GRM1: variants seen among roughly 807,000 people sequenced by gnomAD.
GRM1 encodes the protein metabotropic glutamate receptor 1.
In GRM1, 33 loss-of-function variants were observed where a neutral mutation model predicts 90.9. That is an observed-to-expected ratio of 0.36 (90% CI 0.28 to 0.49). GRM1 has a LOEUF of 0.49. Ranked by LOEUF, GRM1 falls within the 20% of genes least tolerant of loss-of-function variation. GRM1 has a pLI of 0.99. For missense variants in GRM1, 1,190 were observed against 1,534.3 expected (o/e 0.78, Z 3.75); for synonymous variants, 700 against 613.2 (o/e 1.14, Z -2.09).
At chr6:146,201,627 A>ATTGG (rs1157928029) in intron 2 of GRM1, among the ~76,000 whole-genome samples, 1 of 152,194 alleles carries the variant, frequency 6.6e-6, no homozygotes, top group African/African-American at 2.4e-5. Context: ...CACACCTCCA[A>ATTGG]ATTCCATCAC....
chr6:146,151,109 A>C (rs1777318179), intron 1 of GRM1, among the ~76,000 whole-genome samples: 1 of 152,188 alleles, frequency 6.6e-6, no homozygotes, highest in Non-Finnish European at 1.5e-5. Context: ...GTTGGTTGAC[A>C]GGGAGTGATC....
intron 7 of GRM1, among the ~76,000 whole-genome samples, chr6:146,428,727 T>C (rs935485680): frequency 2.6e-5 from 4 of 152,198 alleles, no homozygotes; most frequent in African/African-American, 9.7e-5. Flanking sequence ...TACCAACATG[T>C]TGTCTTAAAT....
chr6:146,409,056 G>A (rs1777462646), intron 7 of GRM1, among the ~76,000 whole-genome samples: 1 of 152,134 alleles, frequency 6.6e-6, no homozygotes, highest in Admixed American at 6.5e-5. Context: ...ACTTAAGCTA[G>A]CCTAAGCAAA....
chr6:146,141,279 GTT>G (rs879736360), intron 1 of GRM1, among the ~76,000 whole-genome samples: 2 of 141,260 alleles, frequency 1.4e-5, no homozygotes, highest in Admixed American at 7.1e-5. Flanking sequence ...TCTGTTCTTA[GTT>G]TTTTTTTTTT....
chr6:146,033,205 G>A (rs547019963), intron 1 of GRM1, among the ~76,000 whole-genome samples: 1 of 152,210 alleles, frequency 6.6e-6, no homozygotes, highest in East Asian at 1.9e-4. Flanking sequence ...GAGTAATGGA[G>A]CCTTATCCAC....
intron 1 of GRM1, among the ~76,000 whole-genome samples, chr6:146,153,311 T>C (rs1777406367): frequency 6.6e-6 from 1 of 152,192 alleles, no homozygotes; most frequent in Admixed American, 6.5e-5. Context: ...TCCTTTTCAG[T>C]TTGTATGCTC....
chr6:146,391,195 T>C (rs1381919575), intron 6 of GRM1, among the ~76,000 whole-genome samples: 2 of 152,126 alleles, frequency 1.3e-5, no homozygotes, highest in Non-Finnish European at 2.9e-5. Context: ...CTGGATCATA[T>C]AAGATGTACT....
intron 2 of GRM1, among the ~76,000 whole-genome samples, chr6:146,208,562 C>T (rs768104047): frequency 6.6e-6 from 1 of 152,216 alleles, no homozygotes; most frequent in East Asian, 1.9e-4. Flanking sequence ...TTTCTGGACT[C>T]TGCCAATCTT....
At chr6:146,413,203 C>T (rs1429796637) in intron 7 of GRM1, among the ~76,000 whole-genome samples, 1 of 152,094 alleles carries the variant, frequency 6.6e-6, no homozygotes, top group African/African-American at 2.4e-5. Context: ...ATATGTTGTT[C>T]CAGTTACCTT....
chr6:146,054,676 C>A (rs1254577113), intron 1 of GRM1, among the ~76,000 whole-genome samples: 2 of 151,974 alleles, frequency 1.3e-5, no homozygotes, highest in East Asian at 3.9e-4. Flanking sequence ...TGTTAGACTC[C>A]AACAGCCATT....
Position 146,055,118 on chromosome 6 carries a change from A to AT in GRM1, c.700+24908dup, listed in dbSNP as rs573584660. 2.1e-4 allele frequency among the ~76,000 whole-genome samples: 32 copies of AT among 152,148 alleles called. No individual in the cohort carries two copies. In the South Asian group the frequency reaches 5.8e-3, roughly 28 times the overall value. On this transcript the variant is annotated intron_variant, in intron 1 of 7. Transcript: ENST00000282753. The stretch of plus-strand genomic sequence containing the variant: ...ATACAGCACCTGGCACATATGAGCT[A>AT]TTTTTTTAAAACATGTTGAATAAAT...
At chr6:146,169,747 A>G (rs1477225098) in intron 2 of GRM1, among the ~76,000 whole-genome samples, 2 of 152,206 alleles carry the variant, frequency 1.3e-5, no homozygotes, top group Non-Finnish European at 2.9e-5. Flanking sequence ...TTTCTGGAGA[A>G]TTATAGTCCT....
chr6:146,274,294 A>G (rs982451882), intron 2 of GRM1, among the ~76,000 whole-genome samples: 1 of 152,224 alleles, frequency 6.6e-6, no homozygotes, highest in African/African-American at 2.4e-5. Context: ...ATTTTTAAAA[A>G]CTTGCATAAT....
At chr6:146,124,235 A>G (rs1776110351) in intron 1 of GRM1, among the ~76,000 whole-genome samples, 1 of 152,216 alleles carries the variant, frequency 6.6e-6, no homozygotes, top group South Asian at 2.1e-4. Flanking sequence ...CAAAGGATAA[A>G]TTGATTCAAA....
At position 146,352,368 on chromosome 6, in the gene GRM1, C is replaced by T. The variant is rs753937213; in HGVS notation, c.1305C>T (p.His435=). The T allele has an allele frequency of 5.6e-6, 9 of 1,614,048 alleles. No homozygotes were observed. The highest frequency in any genetic ancestry group is 5.0e-5 in the Admixed American group (3 of 60,012). The change falls in exon 4 of 8, where the codon CAC becomes CAT. Residue 435 remains histidine (H), a synonymous_variant. Coordinates refer to ENST00000282753, the MANE Select transcript of GRM1 (RefSeq NM_001278064.2). ...QNMHHALCPG[H]VGLCDAMKPI... ...TGCACCATGCCCTCTGCCCTGGCCA[C>T]GTGGGCCTCTGCGATGCCATGAAGC...
At chr6:146,091,377 C>G (rs1321884524) in intron 1 of GRM1, among the ~76,000 whole-genome samples, 1 of 152,032 alleles carries the variant, frequency 6.6e-6, no homozygotes, top group Non-Finnish European at 1.5e-5. Context: ...TCATGAAAGC[C>G]TCTTCATAGC....
chr6:146,229,083 G>A (rs1246033674), intron 2 of GRM1, among the ~76,000 whole-genome samples: 1 of 151,996 alleles, frequency 6.6e-6, no homozygotes, highest in Non-Finnish European at 1.5e-5. Flanking sequence ...ATATGCTTTA[G>A]TAGCAGAAAA....
At chr6:146,104,393 T>A (rs1777154934) in intron 1 of GRM1, among the ~76,000 whole-genome samples, 1 of 150,376 alleles carries the variant, frequency 6.6e-6, no homozygotes, top group African/African-American at 2.5e-5. Context: ...TGAGCCGAGA[T>A]CGCACCACTG....
At chr6:146,086,557 G>A (rs527365777) in intron 1 of GRM1, among the ~76,000 whole-genome samples, 24 of 152,028 alleles carry the variant, frequency 1.6e-4, no homozygotes, top group Admixed American at 3.9e-4. Context: ...TTCCTGGATA[G>A]GATATAAAAA....
Sources: allele counts gnomAD v4.1 joint callset (sites outside exome capture counted in the v4.1 genomes callset), GRCh38; gene constraint gnomAD v4.1.1; transcripts MANE v1.5; gene names NCBI Gene and HGNC (gene_info 2026-07-23, HGNC 2026-07-21).